The following PUDP variants were observed in gnomAD, a reference collection of about 807,000 sequenced individuals.
PUDP encodes the protein pseudouridine 5'-phosphatase.
PUDP carries 8 observed loss-of-function variants against 9.4 expected under a neutral mutation model. The ratio of observed to expected loss-of-function variants is 0.85; its 90% CI spans 0.50 to 1.53. PUDP has a LOEUF of 1.53. Ranked by LOEUF, PUDP falls within the 40% of genes most tolerant of loss-of-function variation. PUDP has a pLI of 0.00. For synonymous variants in PUDP, 99 were observed against 80.7 expected, an observed-to-expected ratio of 1.23 and a Z score of -1.22; for missense variants, 188 against 189.7, an observed-to-expected ratio of 0.99 and a Z score of 0.05.
intron 3 of PUDP, among the ~76,000 whole-genome samples, chrX:6,820,734 C>T (rs1385228952): frequency 1.8e-5 from 2 of 112,036 alleles, no homozygotes; most frequent in Admixed American, 9.4e-5. Flanking sequence ...GCAGCTTCAC[C>T]CCTGTGGCTT....
At chrX:7,086,522 T>G (rs193154157) in intron 2 of PUDP, among the ~76,000 whole-genome samples, 1,800 of 112,209 alleles carry the variant, frequency 0.016, 35 homozygotes, top group African/African-American at 0.052. Context: ...ACAGCCACTG[T>G]GAGTGGGCGT....
intron 1 of PUDP, among the ~76,000 whole-genome samples, chrX:7,140,841 C>T (rs905444870): frequency 8.9e-6 from 1 of 112,194 alleles, no homozygotes; most frequent in Admixed American, 9.5e-5. Context: ...TCTCACGTGA[C>T]GTGTCTGTGT....
At chrX:7,027,322 T>G (rs771307153) in intron 1 of PUDP, among the ~76,000 whole-genome samples, 1 of 111,026 alleles carries the variant, frequency 9.0e-6, no homozygotes, top group Admixed American at 9.7e-5. Context: ...AAGTGCTGCC[T>G]GCTAACAACC....
chrX:6,752,651 G>A (rs1052190913), intron 3 of PUDP, among the ~76,000 whole-genome samples: 4 of 111,562 alleles, frequency 3.6e-5, no homozygotes, highest in African/African-American at 6.5e-5. Context: ...AAGTCAAGAA[G>A]CCCTCAATGA....
intron 3 of PUDP, among the ~76,000 whole-genome samples, chrX:6,906,461 G>A (rs761536626): frequency 8.9e-6 from 1 of 112,259 alleles, no homozygotes; most frequent in South Asian, 3.7e-4. Context: ...TGAGTGTAGA[G>A]AAATGGTGAG....
At chrX:6,990,548 C>A (rs931176461) in intron 1 of PUDP, among the ~76,000 whole-genome samples, 18 of 112,342 alleles carry the variant, frequency 1.6e-4, no homozygotes, top group Non-Finnish European at 3.4e-4. Flanking sequence ...CAAAAGTACT[C>A]TTTTTGGCTG....
At chrX:7,006,469 C>T (rs186292809) in intron 1 of PUDP, among the ~76,000 whole-genome samples, 1 of 111,630 alleles carries the variant, frequency 9.0e-6, no homozygotes, top group East Asian at 2.8e-4. Context: ...TATATGCTTG[C>T]TGGCTACTTG....
chrX:6,831,991 C>A (rs1926511008), intron 3 of PUDP, among the ~76,000 whole-genome samples: 1 of 111,317 alleles, frequency 9.0e-6, no homozygotes, highest in African/African-American at 3.3e-5. Flanking sequence ...GGTTAAACTC[C>A]CACCTAAACA....
At chrX:6,939,405 C>G (rs1430041189) in intron 3 of PUDP, among the ~76,000 whole-genome samples, 1 of 105,766 alleles carries the variant, frequency 9.5e-6, no homozygotes, top group Non-Finnish European at 1.9e-5. Context: ...TATTATTAAT[C>G]TATTTAATCT....
intron 3 of PUDP, among the ~76,000 whole-genome samples, chrX:6,929,339 A>G (rs1202280389): frequency 2.7e-5 from 3 of 112,556 alleles, no homozygotes; most frequent in Non-Finnish European, 5.6e-5. Context: ...ATTTAGGGAA[A>G]CATAAGGCAT....
intron 1 of PUDP, among the ~76,000 whole-genome samples, chrX:6,994,334 A>G (rs1012422891): frequency 9.0e-6 from 1 of 111,672 alleles, no homozygotes; most frequent in Non-Finnish European, 1.9e-5. Flanking sequence ...GATTGCTTAA[A>G]CCCAGGTGTT....
intron 1 of PUDP, among the ~76,000 whole-genome samples, chrX:7,009,154 A>C (rs1325128182): frequency 1.8e-5 from 2 of 112,674 alleles, no homozygotes; most frequent in Non-Finnish European, 3.7e-5. Context: ...TACAGATAGA[A>C]ATGAAAATAT....
At chrX:6,805,755 C>T (rs1028375051) in intron 3 of PUDP, among the ~76,000 whole-genome samples, 1 of 109,538 alleles carries the variant, frequency 9.1e-6, no homozygotes, top group African/African-American at 3.3e-5. Context: ...TGGGCTCAGG[C>T]AATCCTCCCA....
At chrX:6,860,632 C>T (rs891791485) in intron 3 of PUDP, among the ~76,000 whole-genome samples, 2 of 110,509 alleles carry the variant, frequency 1.8e-5, no homozygotes, top group African/African-American at 6.6e-5. Context: ...CCACCACACC[C>T]GGCTAATTTT....
chrX:6,992,374 G>A (rs928921856), intron 1 of PUDP, among the ~76,000 whole-genome samples: 1 of 89,197 alleles, frequency 1.1e-5, no homozygotes, highest in Non-Finnish European at 2.3e-5. Context: ...CCGGGTTCAC[G>A]CCATTCTCCT....
chrX:7,141,176 C>G (rs1353317018), intron 1 of PUDP, among the ~76,000 whole-genome samples: 7 of 112,323 alleles, frequency 6.2e-5, no homozygotes, highest in Non-Finnish European at 1.1e-4. Context: ...AAATTAAAAG[C>G]TAGAAATGGT....
Position 6,882,625 on chromosome X carries a change from G to A in PUDP, c.*247+94508C>T, listed in dbSNP as rs191216540. Among the ~76,000 whole-genome samples, 3 of 111,816 alleles carry A rather than the reference G, an allele frequency of 2.7e-5. No individual in the cohort carries two copies. The Admixed American group carries it at 2.9e-4, about 11-fold the overall frequency. On this transcript the variant is annotated intron_variant and NMD_transcript_variant, in intron 3 of 3. Coordinates refer to the PUDP transcript ENST00000655425. ...GGGTGGGATCATAACATCAGGAGTA[G>A]TCATGAGCGGTGGTTAAGGCAATAA...
intron 3 of PUDP, among the ~76,000 whole-genome samples, chrX:6,778,870 G>A (rs1354200737): frequency 1.8e-5 from 2 of 112,328 alleles, no homozygotes; most frequent in African/African-American, 6.5e-5. Context: ...TGTAGTTGCT[G>A]TAGCCTGAGA....
intron 3 of PUDP, among the ~76,000 whole-genome samples, chrX:6,728,115 G>A (rs988931139): frequency 9.0e-6 from 1 of 111,049 alleles, no homozygotes; most frequent in Non-Finnish European, 1.9e-5. Context: ...GTGTTACATG[G>A]TGGCAGACAA....
Sources: gnomAD v4.1 joint callset for allele counts (sites outside exome capture counted in the v4.1 genomes callset) on GRCh38, gnomAD v4.1.1 for gene constraint, MANE v1.5 for transcripts, NCBI Gene and HGNC (gene_info 2026-07-23, HGNC 2026-07-21) for gene names.